The following PAMR1 variants were observed in gnomAD, a reference collection of about 807,000 sequenced individuals.
The protein encoded by PAMR1 is inactive serine protease PAMR1.
A neutral mutation model predicts 81.8 loss-of-function variants in PAMR1; 88 were observed. That is an observed-to-expected ratio of 1.08 (90% CI 0.91 to 1.28). PAMR1 has a LOEUF of 1.28. PAMR1 is among the 50% of genes most tolerant of loss of function. PAMR1 has a pLI of 0.00. For synonymous variants in PAMR1, 336 were observed against 345.3 expected (o/e 0.97, Z 0.30); for missense variants, 935 against 919.7 (o/e 1.02, Z -0.21).
At chr11:35,526,541 C>T (rs138636254), upstream of PAMR1, among the ~76,000 whole-genome samples, 21 of 152,290 alleles carry the variant, frequency 1.4e-4, no homozygotes, top group East Asian at 4.1e-3. Flanking sequence ...TGTATTAACT[C>T]AATTATTCCT....
intron 5 of PAMR1, among the ~76,000 whole-genome samples, chr11:35,468,393 G>A (rs1590345478): frequency 6.6e-6 from 1 of 152,324 alleles, no homozygotes; most frequent in East Asian, 1.9e-4. Flanking sequence ...ACATTAAATT[G>A]ATGAAAGCAG....
At position 35,488,197 on chromosome 11, in the gene PAMR1, C is replaced by CTTT. The variant is rs35884320; in HGVS notation, c.379+3845_379+3847dup. On this transcript the variant is annotated intron_variant, in intron 3 of 10. Transcript: ENST00000619888. ...TAAAACCTGTTTAACCCTTTCCCAT[C>CTTT]TTTTTTTTTTTTTTTTTTTTTTTTG... Among the ~76,000 whole-genome samples the CTTT allele has an allele frequency of 3.4e-3, 300 of 87,962 alleles. 1 individual carries two copies. The highest frequency in any genetic ancestry group is 5.7e-3 in the African/African-American group (132 of 23,322). 57.7% of individuals were successfully genotyped at this position (87,962 alleles called of 152,430 possible).
chr11:35,438,861 TTTAGGGAAGATCTCTCTCTG>T (rs1380529207), intron 8 of PAMR1, among the ~76,000 whole-genome samples: 1 of 152,056 alleles, frequency 6.6e-6, no homozygotes, highest in African/African-American at 2.4e-5. Flanking sequence ...TAAAAGGATA[TTTAGGGAAGATCTCTCTCTG>T]TTAGGCAAAA....
At chr11:35,480,540 C>G (rs1237393480) in intron 3 of PAMR1, among the ~76,000 whole-genome samples, 1 of 152,160 alleles carries the variant, frequency 6.6e-6, no homozygotes, top group East Asian at 1.9e-4. Context: ...GGCCATTAAT[C>G]CCCTCCAATG....
chr11:35,484,492 C>A (rs1850462480), intron 3 of PAMR1, among the ~76,000 whole-genome samples: 1 of 152,234 alleles, frequency 6.6e-6, no homozygotes, highest in South Asian at 2.1e-4. Flanking sequence ...TAACACACAG[C>A]TTTGTAAGCC....
Position 35,507,039 on chromosome 11 carries a change from C to CCTTTTTTTTTTTTTTTTTT in PAMR1, c.74-12768_74-12767insAAAAAAAAAAAAAAAAAAG, listed in dbSNP as rs1433957199. Among the ~76,000 whole-genome samples, 4 of 86,862 alleles carry CCTTTTTTTTTTTTTTTTTT rather than the reference C, an allele frequency of 4.6e-5. 2 individuals are homozygous for CCTTTTTTTTTTTTTTTTTT. The highest frequency in any genetic ancestry group is 9.2e-5 in the Non-Finnish European group (4 of 43,550). The allele number at this position is 86,862 out of a possible 152,430, so 57.0% of individuals were successfully genotyped here. The stretch of plus-strand genomic sequence containing the variant: ...TCTCCTCTATTTTCAAATAGCCTGA[C>CCTTTTTTTTTTTTTTTTTT]TTTTTTTTTTTTTTTTTTTTTTTTT... On this transcript the variant is annotated intron_variant, in intron 1 of 10. Transcript: ENST00000619888.
intron 3 of PAMR1, among the ~76,000 whole-genome samples, chr11:35,480,739 A>C (rs1463539963): frequency 6.6e-6 from 1 of 152,106 alleles, no homozygotes; most frequent in Non-Finnish European, 1.5e-5. Context: ...CAGAACATGC[A>C]GGTTTGTTAC....
chr11:35,435,888 T>G lies in PAMR1; in HGVS notation c.1333+15A>C. The G allele has an allele frequency of 1.3e-6, 2 of 1,583,568 alleles. No individual in the cohort carries two copies. Among genetic ancestry groups the G allele is most frequent in the Non-Finnish European group, 1.7e-6 (2 of 1,152,366 alleles). ...GATTGAGCATGCTCAAGCCCAAGAA[T>G]GAGCCTTGACTCACTAGGGATGCAG... On this transcript the variant is annotated intron_variant, in intron 9 of 10. Transcript: ENST00000619888.
chr11:35,512,334 T>G (rs1197846666), intron 1 of PAMR1, among the ~76,000 whole-genome samples: 1 of 152,086 alleles, frequency 6.6e-6, no homozygotes, highest in Non-Finnish European at 1.5e-5. Context: ...ATAACCTCCC[T>G]TTGAGGTAGG....
intron 8 of PAMR1, among the ~76,000 whole-genome samples, chr11:35,436,540 C>T (rs1038000901): frequency 1.3e-5 from 2 of 152,140 alleles, no homozygotes; most frequent in Non-Finnish European, 2.9e-5. Flanking sequence ...TCACCTTGGC[C>T]TCCCAAAGTG....
At chr11:35,489,426 T>C (rs1850575697) in intron 3 of PAMR1, among the ~76,000 whole-genome samples, 1 of 152,164 alleles carries the variant, frequency 6.6e-6, no homozygotes, top group South Asian at 2.1e-4. Context: ...CTCACTCTAG[T>C]CTCCCTTCTT....
chr11:35,478,218 C>G (rs956010418), intron 3 of PAMR1, among the ~76,000 whole-genome samples: 1 of 152,144 alleles, frequency 6.6e-6, no homozygotes, highest in Non-Finnish European at 1.5e-5. Flanking sequence ...TTTAGGCTTC[C>G]TTGGCACATC....
chr11:35,432,310 C>G lies in PAMR1; in HGVS notation c.*46G>C. On this transcript the variant is annotated 3_prime_UTR_variant, in exon 11 of 11. Coordinates refer to ENST00000619888, the MANE Select transcript of PAMR1 (RefSeq NM_001001991.3). Reference sequence around the variant, plus strand: ...ACTGCTTCACGCAATGACACACGTACAGACGGATATACAGAAACACTTCTC... The same window carrying G: ...ACTGCTTCACGCAATGACACACGTAGAGACGGATATACAGAAACACTTCTC... 1 of 1,536,702 alleles carries G rather than the reference C, an allele frequency of 6.5e-7. No individual in the cohort carries two copies. Among genetic ancestry groups the G allele is most frequent in the South Asian group, 1.2e-5 (1 of 84,472 alleles).
chr11:35,432,455 C>T lies in PAMR1; in HGVS notation c.2064G>A (p.Leu688=), dbSNP rs775500598. ...ATGTTTTATCATAGCTCCAGCTGAC[C>T]AGTCCCATCAGATGCCAGCGTGGCT... ...SPEPRWHLMG[L]VSWSYDKTCS... The change falls in exon 11 of 11, where the codon CTG becomes CTA. Residue 688 remains leucine, a synonymous_variant. Transcript: ENST00000619888. 4.3e-6 allele frequency: 7 copies of T among 1,614,198 alleles called. No homozygotes were observed. Among genetic ancestry groups the T allele is most frequent in the South Asian group, 2.2e-5 (2 of 91,090 alleles).
intron 1 of PAMR1, among the ~76,000 whole-genome samples, chr11:35,501,948 G>A (rs1345000766): frequency 3.3e-5 from 5 of 152,072 alleles, no homozygotes; most frequent in Non-Finnish European, 5.9e-5. Flanking sequence ...TCCCAGTAGC[G>A]GAATTGCTGG....
intron 6 of PAMR1, among the ~76,000 whole-genome samples, chr11:35,461,262 C>T (rs890093948): frequency 4.6e-5 from 7 of 152,196 alleles, no homozygotes; most frequent in African/African-American, 7.2e-5. Context: ...GTAAGCAAAG[C>T]GTTAGCAAAG....
upstream of PAMR1, chr11:35,525,953 G>A (rs1285444702): frequency 4.3e-5 from 12 of 282,346 alleles, no homozygotes; most frequent in African/African-American, 2.2e-4. Context: ...GGGAGCAGAG[G>A]TACCCAGGGC....
intron 6 of PAMR1, among the ~76,000 whole-genome samples, chr11:35,463,977 T>C (rs938202585): frequency 6.6e-6 from 1 of 152,216 alleles, no homozygotes; most frequent in African/African-American, 2.4e-5. Context: ...GTTTCTGAAA[T>C]GCAGGTCCCA....
intron 3 of PAMR1, among the ~76,000 whole-genome samples, chr11:35,489,942 G>C (rs772185959): frequency 6.6e-6 from 1 of 152,220 alleles, no homozygotes; most frequent in Non-Finnish European, 1.5e-5. Flanking sequence ...CTACAAGGCT[G>C]TATTAATCTG....
Sources: gnomAD v4.1 joint callset for allele counts (sites outside exome capture counted in the v4.1 genomes callset) on GRCh38, gnomAD v4.1.1 for gene constraint, MANE v1.5 for transcripts, NCBI Gene and HGNC (gene_info 2026-07-23, HGNC 2026-07-21) for gene names.